The following MAML2 variants were observed in gnomAD, a reference collection of about 807,000 sequenced individuals.
MAML2 encodes mastermind like transcriptional coactivator 2, also known as mastermind-like protein 2.
In MAML2, 22 loss-of-function variants were observed where a neutral mutation model predicts 96.1. That is an observed-to-expected ratio of 0.23 (90% CI 0.16 to 0.33). MAML2 has a LOEUF of 0.33. Among genes scored for constraint, MAML2 ranks in the 10% least tolerant of loss-of-function variants. The pLI is 1.00. For synonymous variants in MAML2, 561 were observed against 521.3 expected, an observed-to-expected ratio of 1.08 and a Z score of -1.04; for missense variants, 1,367 against 1,392.4, an observed-to-expected ratio of 0.98 and a Z score of 0.29.
chr11:96,029,164 GTTT>G lies in MAML2; in HGVS notation c.2140-37444_2140-37442del, dbSNP rs35004085. On this transcript the variant is annotated intron_variant, in intron 2 of 4. Transcript: ENST00000524717. ...TGCTAGGGAAGTGAAGAGTGAAACG[GTTT>G]TTTTTTTTTTTTTAACATCAAATAA... Among the ~76,000 whole-genome samples, 756 of 141,620 alleles carry G rather than the reference GTTT, an allele frequency of 5.3e-3. 7 individuals carry two copies. The highest frequency in any genetic ancestry group is 0.016 in the African/African-American group (613 of 38,776). The allele number at this position is 141,620 out of a possible 152,430, so 92.9% of individuals were successfully genotyped here.
intron 1 of MAML2, among the ~76,000 whole-genome samples, chr11:96,108,954 C>T (rs1860073520): frequency 6.6e-6 from 1 of 151,408 alleles, no homozygotes; most frequent in Admixed American, 6.6e-5. Flanking sequence ...ATCGCTTGAG[C>T]CCAAGAGAAC....
chr11:96,003,690 A>C (rs892950670), intron 2 of MAML2, among the ~76,000 whole-genome samples: 3 of 152,192 alleles, frequency 2.0e-5, no homozygotes, highest in African/African-American at 7.2e-5. Flanking sequence ...AACAAATAGC[A>C]TAAAGTAAGT....
rs950223156 is a variant in MAML2 at position 96,092,243 on chromosome 11, C to CTGCTGCTGT, written c.1779_1787dup (p.Gln619_Gln621dup). 21 of 653,084 alleles carry CTGCTGCTGT rather than the reference C, an allele frequency of 3.2e-5. No individual in the cohort carries two copies. The highest frequency in any genetic ancestry group is 4.8e-5 in the Non-Finnish European group (21 of 434,122). The allele number at this position is 653,084 out of a possible 1,614,324, so 40.5% of individuals were successfully genotyped here. ...GCTGCTGCTGCTGCTGCTGCTGCTGCTGCTGCTGTTGCTGCTGTTGCTGTT... is the reference window on the plus strand; with the variant it reads ...GCTGCTGCTGCTGCTGCTGCTGCTGCTGCTGCTGTTGCTGCTGTTGCTGCTGTTGCTGTT... On this transcript the variant is annotated inframe_insertion, in exon 2 of 5. Coordinates refer to ENST00000524717, the MANE Select transcript of MAML2 (RefSeq NM_032427.4). The surrounding 1 kb of genome is among the most constrained non-coding windows in gnomAD (Gnocchi z 4.1).
At chr11:96,025,044 CT>C (rs1334625554) in intron 2 of MAML2, among the ~76,000 whole-genome samples, 1 of 152,178 alleles carries the variant, frequency 6.6e-6, no homozygotes, top group Non-Finnish European at 1.5e-5. Flanking sequence ...AATCCCATTA[CT>C]GTGTATATAC....
chr11:96,067,985 A>T lies in MAML2; in HGVS notation c.2139+23907T>A, dbSNP rs1013744338. Among the ~76,000 whole-genome samples the T allele has an allele frequency of 1.8e-4, 27 of 152,176 alleles. No individual in the cohort carries two copies. In the South Asian group the frequency reaches 4.4e-3, roughly 25 times the overall value. On this transcript the variant is annotated intron_variant, in intron 2 of 4. Coordinates refer to ENST00000524717, the MANE Select transcript of MAML2 (RefSeq NM_032427.4). ...ATAAATAGGGCCAAATAAATTGAAA[A>T]TTTTTTCCTGAGAGAGAGAGTTTTA...
At chr11:96,177,365 G>A (rs1861402902) in intron 1 of MAML2, among the ~76,000 whole-genome samples, 2 of 152,344 alleles carry the variant, frequency 1.3e-5, no homozygotes, top group South Asian at 2.1e-4. Flanking sequence ...AAGAGGACAG[G>A]CATGTCACCG....
chr11:96,045,839 A>C (rs1858888817), intron 2 of MAML2, among the ~76,000 whole-genome samples: 1 of 147,362 alleles, frequency 6.8e-6, no homozygotes, highest in South Asian at 2.2e-4. Flanking sequence ...TAATAATGGG[A>C]TTTTTTTTCC....
intron 1 of MAML2, among the ~76,000 whole-genome samples, chr11:96,294,848 C>A (rs1863269055): frequency 6.6e-6 from 1 of 152,140 alleles, no homozygotes. Flanking sequence ...CCCTCTGTCA[C>A]CAAGCTGCTA....
At chr11:96,118,779 G>T (rs1052814354) in intron 1 of MAML2, among the ~76,000 whole-genome samples, 7 of 152,144 alleles carry the variant, frequency 4.6e-5, no homozygotes, top group African/African-American at 1.7e-4. Context: ...CCTGCCTCTT[G>T]CTTGGTCTGT....
chr11:96,185,199 A>G (rs1036192953), intron 1 of MAML2, among the ~76,000 whole-genome samples: 5 of 148,386 alleles, frequency 3.4e-5, no homozygotes, highest in African/African-American at 7.9e-5. Flanking sequence ...ACAAAACTCC[A>G]TCTGTGTTAC....
intron 1 of MAML2, among the ~76,000 whole-genome samples, chr11:96,277,933 T>TTC (rs1863012726): frequency 6.6e-6 from 1 of 151,220 alleles, no homozygotes; most frequent in South Asian, 2.1e-4. Context: ...TTTTTTTTTT[T>TTC]CCATTCTCCA....
At chr11:95,991,951 C>A (rs1003224111) in intron 2 of MAML2, among the ~76,000 whole-genome samples, 2 of 152,158 alleles carry the variant, frequency 1.3e-5, no homozygotes, top group African/African-American at 4.8e-5. Context: ...GAAAAGCTCC[C>A]ATGAGGACTC....
intron 1 of MAML2, among the ~76,000 whole-genome samples, chr11:96,160,178 T>C (rs1179217506): frequency 6.6e-6 from 1 of 152,200 alleles, no homozygotes; most frequent in African/African-American, 2.4e-5. Context: ...GGGGTGCTTA[T>C]GTTTAGATGA....
At chr11:96,122,208 T>C (rs752778711) in intron 1 of MAML2, among the ~76,000 whole-genome samples, 1 of 152,076 alleles carries the variant, frequency 6.6e-6, no homozygotes, top group Non-Finnish European at 1.5e-5. Flanking sequence ...TCTCCAGCCA[T>C]GTAGATACAG....
intron 1 of MAML2, among the ~76,000 whole-genome samples, chr11:96,190,455 CT>C (rs1286835759): frequency 6.6e-6 from 1 of 152,192 alleles, no homozygotes; most frequent in Non-Finnish European, 1.5e-5. Context: ...ACATCCATAT[CT>C]ACAGCCAATC....
At chr11:96,249,374 A>G (rs1364827560) in intron 1 of MAML2, among the ~76,000 whole-genome samples, 1 of 152,086 alleles carries the variant, frequency 6.6e-6, no homozygotes, top group African/African-American at 2.4e-5. Context: ...AAATACATAA[A>G]TGTACACTTT....
At chr11:96,225,423 C>T (rs527760201) in intron 1 of MAML2, among the ~76,000 whole-genome samples, 1 of 152,324 alleles carries the variant, frequency 6.6e-6, no homozygotes, top group South Asian at 2.1e-4. Flanking sequence ...TTGACTGCTA[C>T]CTCAGGAGAG....
At chr11:96,071,030 G>A (rs1248354649) in intron 2 of MAML2, among the ~76,000 whole-genome samples, 2 of 152,256 alleles carry the variant, frequency 1.3e-5, no homozygotes, top group Non-Finnish European at 2.9e-5. Context: ...AAATAGATGA[G>A]CCTTCCCTCT....
At chr11:96,155,719 C>T (rs1861002098) in intron 1 of MAML2, among the ~76,000 whole-genome samples, 1 of 151,220 alleles carries the variant, frequency 6.6e-6, no homozygotes, top group Admixed American at 6.6e-5. Context: ...TGTCCCTGCC[C>T]CGCCCCTCCT....
Sources: allele counts gnomAD v4.1 joint callset (sites outside exome capture counted in the v4.1 genomes callset), GRCh38; gene constraint gnomAD v4.1.1; non-coding constraint Gnocchi (gnomAD v3.1); transcripts MANE v1.5; gene names NCBI Gene and HGNC (gene_info 2026-07-23, HGNC 2026-07-21).